The following NEB variants were observed in gnomAD, a reference collection of about 807,000 sequenced individuals.
NEB encodes nebulin, also known as nemaline myopathy type 2.
NEB carries 512 observed loss-of-function variants against 952.2 expected under a neutral mutation model. The observed-to-expected ratio is 0.54, with a 90% confidence interval of 0.50 to 0.58. The LOEUF (loss-of-function observed/expected upper bound fraction) is 0.58, where lower values mean the gene tolerates loss of function less well. Among genes scored for constraint, NEB ranks in the 20% least tolerant of loss-of-function variants. The pLI, the probability that NEB is intolerant of heterozygous loss-of-function variation, is 0.00. For missense variants in NEB, 8,428 were observed against 9,231.1 expected (o/e 0.91, Z 3.56); for synonymous variants, 2,900 against 3,149.8 (o/e 0.92, Z 2.66).
At chr2:151,702,436 T>A (rs995804420) in intron 13 of NEB, among the ~76,000 whole-genome samples, 5 of 152,214 alleles carry the variant, frequency 3.3e-5, no homozygotes, top group South Asian at 2.1e-4. Flanking sequence ...ACTTTCTGTC[T>A]CGTTGATCTG....
chr2:151,717,408 T>C lies in NEB; in HGVS notation c.822+8A>G, dbSNP rs2150347724. 1 of 1,591,744 alleles carries C rather than the reference T, an allele frequency of 6.3e-7. No individual in the cohort carries two copies. The highest frequency in any genetic ancestry group is 8.6e-7 in the Non-Finnish European group (1 of 1,159,488). ...AAGGGAGGCAATGTCCCAGCTCTATTTACTTACCTTGCTCACTTGATTGGT... is the reference window on the plus strand; with the variant it reads ...AAGGGAGGCAATGTCCCAGCTCTATCTACTTACCTTGCTCACTTGATTGGT... On this transcript the variant is annotated splice_region_variant and intron_variant, in intron 10 of 181. Transcript: ENST00000397345.
chr2:151,504,492 A>G (rs1037183437), intron 165 of NEB, among the ~76,000 whole-genome samples: 4 of 152,212 alleles, frequency 2.6e-5, no homozygotes, highest in African/African-American at 9.6e-5. Flanking sequence ...AATTTGTACC[A>G]CAAGGAAATC....
chr2:151,674,008 G>T (rs1166937159), intron 36 of NEB, among the ~76,000 whole-genome samples: 1 of 151,972 alleles, frequency 6.6e-6, no homozygotes, highest in Non-Finnish European at 1.5e-5. Context: ...TACTTTTTCT[G>T]TTACAGGAAA....
rs765157375 is a variant in NEB, at chr2:151,496,944, G to C, written c.24390C>G (p.Ser8130Arg). 1 of 1,571,852 alleles carries C rather than the reference G, an allele frequency of 6.4e-7. No homozygotes were observed. The highest frequency in any genetic ancestry group is 8.7e-7 in the Non-Finnish European group (1 of 1,155,796). The change falls in exon 172 of 182, where the codon AGC (serine) becomes AGG (arginine). Residue 8130 changes from serine to arginine, a missense_variant. Transcript: ENST00000397345. ...ERVKHNQENISSVLYKENMGK... is the reference protein window; with the variant it reads ...ERVKHNQENIRSVLYKENMGK... The stretch of plus-strand genomic sequence containing the variant: ...TTTTCTTTTCTTGCCCAAGTACCGA[G>C]CTAATATTTTCTTGATTGTGTTTGA...
chr2:151,687,618 A>G lies in NEB; in HGVS notation c.2523+8T>C, dbSNP rs1576367867. The G allele has an allele frequency of 3.1e-6, 5 of 1,613,432 alleles. No individual in the cohort carries two copies. Among genetic ancestry groups the G allele is most frequent in the Non-Finnish European group, 4.2e-6 (5 of 1,179,594 alleles). ...GTCCAGGTCCCCAGGTCCCCAGGCCACACTCACATCGCTGGTGTTCTTGGT... is the reference window on the plus strand; with the variant it reads ...GTCCAGGTCCCCAGGTCCCCAGGCCGCACTCACATCGCTGGTGTTCTTGGT... On this transcript the variant is annotated splice_region_variant and intron_variant, in intron 26 of 181. Transcript: ENST00000397345.
rs1011425121 is a variant in NEB at position 151,508,004 on chromosome 2, C to A, written c.23451+1G>T. 2.2e-5 allele frequency: 35 copies of A among 1,600,302 alleles called. No individual in the cohort carries two copies. Among genetic ancestry groups the A allele is most frequent in the Non-Finnish European group, 2.6e-5 (31 of 1,171,630 alleles). ...GTGCCTTACATTTAATAAAAACTTA[C>A]AAGGCTGAAGTTCTTTTGGTTCTCC... On this transcript the variant is annotated splice_donor_variant, in intron 162 of 181. Transcript: ENST00000397345. LOFTEE classifies it high-confidence loss of function.
intron 114 of NEB, among the ~76,000 whole-genome samples, chr2:151,566,116 GA>G (rs1299194893): frequency 3.3e-5 from 5 of 152,184 alleles, no homozygotes; most frequent in Non-Finnish European, 7.3e-5. Flanking sequence ...GAGTTGAGGG[GA>G]AGGGGCTGTT....
chr2:151,491,966 A>G, intron 178 of NEB, 132 bp downstream of exon 178: 1 of 1,077,672 alleles, frequency 9.3e-7, no homozygotes, highest in Non-Finnish European at 1.4e-6. Flanking sequence ...ATGAGATAAT[A>G]GGAGCTTTCT....
At chr2:151,591,784 C>G (rs2097281656) in intron 95 of NEB, among the ~76,000 whole-genome samples, 2 of 152,310 alleles carry the variant, frequency 1.3e-5, no homozygotes, top group African/African-American at 4.8e-5. Context: ...CTAGGTATTA[C>G]TCTACGTGTA....
At position 151,696,554 on chromosome 2, in the gene NEB, T is replaced by A. The variant is rs79421278; in HGVS notation, c.1569+83A>T. ...ACTTACTTAGCCTTTTGAATAAACT[T>A]GATAAGTCATTGGATTTTATGTATA... On this transcript the variant is annotated intron_variant, in intron 17 of 181. Coordinates refer to ENST00000397345, the MANE Select transcript of NEB (RefSeq NM_001164508.2). 693 of 1,055,206 alleles carry A rather than the reference T, an allele frequency of 6.6e-4. 4 individuals carry two copies. In the African/African-American group the frequency reaches 0.01, roughly 16 times the overall value. 65.4% of individuals were successfully genotyped at this position (1,055,206 alleles called of 1,614,324 possible). A position where few individuals can be genotyped will look rare whatever the true frequency, so the allele number is the denominator to read the frequency against.
At chr2:151,574,282 C>G (rs1457598921) in intron 107 of NEB, among the ~76,000 whole-genome samples, 1 of 151,982 alleles carries the variant, frequency 6.6e-6, no homozygotes, top group African/African-American at 2.4e-5. Flanking sequence ...CATGTTCTTA[C>G]TCTTGAGTAA....
At chr2:151,566,284 C>T (rs1481550242) in intron 114 of NEB, among the ~76,000 whole-genome samples, 1 of 152,182 alleles carries the variant, frequency 6.6e-6, no homozygotes, top group East Asian at 1.9e-4. Flanking sequence ...GAGGCATCCC[C>T]TGGGTCCCAG....
At chr2:151,718,009 G>A (rs1258702371) in intron 9 of NEB, among the ~76,000 whole-genome samples, 2 of 151,900 alleles carry the variant, frequency 1.3e-5, no homozygotes, top group African/African-American at 2.4e-5. Flanking sequence ...ACCCGCCACC[G>A]TGCCCGGCTA....
chr2:151,632,497 G>A (rs978662549), intron 65 of NEB, among the ~76,000 whole-genome samples: 7 of 151,796 alleles, frequency 4.6e-5, no homozygotes, highest in East Asian at 1.9e-4. Flanking sequence ...CCAATATGGC[G>A]AAACCCCATC....
At chr2:151,643,781 T>C in intron 57 of NEB, 37 bp downstream of exon 57, 5 of 1,598,306 alleles carry the variant, frequency 3.1e-6, no homozygotes, top group Non-Finnish European at 4.3e-6. Flanking sequence ...AAAGCAGACA[T>C]AATGTTTTGT....
chr2:151,719,934 A>G (rs2099769825), intron 9 of NEB, among the ~76,000 whole-genome samples: 1 of 150,972 alleles, frequency 6.6e-6, no homozygotes, highest in Non-Finnish European at 1.5e-5. Context: ...TTTTAGGCAT[A>G]GGACAACAGG....
rs765317009 is a variant in NEB, at chr2:151,723,501, A to T, written c.613-15T>A. The T allele has an allele frequency of 6.4e-6, 10 of 1,572,626 alleles. No individual in the cohort carries two copies. Among genetic ancestry groups the T allele is most frequent in the Non-Finnish European group, 8.7e-6 (10 of 1,151,972 alleles). ...GTGTACAGTTTCTAAATCAAAAAAGAGTGAAAAGTTAGGAGGAAGTAGGGT... is the reference window on the plus strand; with the variant it reads ...GTGTACAGTTTCTAAATCAAAAAAGTGTGAAAAGTTAGGAGGAAGTAGGGT... On this transcript the variant is annotated splice_polypyrimidine_tract_variant and intron_variant, in intron 8 of 181. Transcript: ENST00000397345.
intron 117 of NEB, 95 bp downstream of exon 117, chr2:151,564,949 A>G (rs2096287178): frequency 5.8e-6 from 4 of 693,650 alleles, no homozygotes; most frequent in East Asian, 5.6e-5. Context: ...AGATTGGCTT[A>G]TAAGTTCAGC....
chr2:151,558,711 A>G (rs965360175), intron 124 of NEB, among the ~76,000 whole-genome samples: 3 of 152,224 alleles, frequency 2.0e-5, no homozygotes, highest in Admixed American at 6.5e-5. Flanking sequence ...AAGACTCCCT[A>G]TTTAATGAAT....
Sources: allele counts gnomAD v4.1 joint callset (sites outside exome capture counted in the v4.1 genomes callset), GRCh38; gene constraint gnomAD v4.1.1; transcripts MANE v1.5; gene names NCBI Gene and HGNC (gene_info 2026-07-23, HGNC 2026-07-21).